Variants in AKR1C1 observed in about 807,000 individuals in gnomAD.
AKR1C1 encodes 20 alpha-hydroxysteroid dehydrogenase.
In AKR1C1, 32 loss-of-function variants were observed where a neutral mutation model predicts 40.6. The observed-to-expected ratio is 0.79, with a 90% CI of 0.60 to 1.06. The LOEUF is 1.06. AKR1C1 is among the 50% of genes least tolerant of loss of function. AKR1C1 has a pLI of 0.00. For missense variants in AKR1C1, 320 were observed against 363.5 expected (o/e 0.88, Z 0.97); for synonymous variants, 105 against 134.2 (o/e 0.78, Z 1.50).
chr10:4,972,365 A>C, intron 6 of AKR1C1, 55 bp downstream of exon 6: 2 of 1,605,668 alleles, frequency 1.2e-6, no homozygotes, highest in South Asian at 2.2e-5. Context: ...AAAAAAATTT[A>C]ATCAGATCAT....
chr10:4,979,443 A>C lies in AKR1C1; in HGVS notation c.*1701A>C, dbSNP rs1588566981. 1 of 152,166 alleles carries C rather than the reference A, an allele frequency of 6.6e-6. No homozygotes were observed. The highest frequency in any genetic ancestry group is 1.5e-5 in the Non-Finnish European group (1 of 68,036). 9.4% of individuals were successfully genotyped at this position (152,166 alleles called of 1,614,324 possible). On this transcript the variant is annotated 3_prime_UTR_variant, in exon 9 of 9. Coordinates refer to ENST00000380872, the MANE Select transcript of AKR1C1 (RefSeq NM_001353.6). ...GTCTCAAAGAAATCTCATGTAAACC[A>C]TGGCCATCCTGTTCTACCTTAACTT...
intron 5 of AKR1C1, among the ~76,000 whole-genome samples, chr10:4,970,370 A>C (rs1554769706): frequency 6.6e-6 from 1 of 152,164 alleles, no homozygotes; most frequent in African/African-American, 2.4e-5. Context: ...GATATCAGTT[A>C]ACTTGTTTTT....
chr10:4,970,660 G>A (rs1836409900), intron 5 of AKR1C1, among the ~76,000 whole-genome samples: 1 of 151,956 alleles, frequency 6.6e-6, no homozygotes, highest in South Asian at 2.1e-4. Flanking sequence ...ATCCTTTGTA[G>A]GGACATGGAT....
intron 5 of AKR1C1, among the ~76,000 whole-genome samples, chr10:4,970,144 A>G (rs1836400107): frequency 6.6e-6 from 1 of 152,166 alleles, no homozygotes; most frequent in Non-Finnish European, 1.5e-5. Context: ...TGTAAAGATG[A>G]CAATTGACCC....
intron 1 of AKR1C1, among the ~76,000 whole-genome samples, chr10:4,964,305 CATTTCTGATCTATACAATATAAGG>C (rs1372396919): frequency 4.6e-5 from 7 of 152,186 alleles, no homozygotes; most frequent in African/African-American, 1.7e-4. Flanking sequence ...TTGGGTTTCA[CATTTCTGATCTATACAATATAAGG>C]ATTTACAAAG....
rs544722856 is a variant in AKR1C1, at chr10:4,981,658, C to A, written c.*3916C>A. On this transcript the variant is annotated 3_prime_UTR_variant, in exon 9 of 9. Transcript: ENST00000380872. Reference sequence around the variant, plus strand: ...ATGAAATAAGAAAAAACCATCACATCCCCAGATTCTGAGGGGAGAGAGTTC... The same window carrying A: ...ATGAAATAAGAAAAAACCATCACATACCCAGATTCTGAGGGGAGAGAGTTC... The A allele has an allele frequency of 6.6e-6, 1 of 152,266 alleles. No individual in the cohort carries two copies. The highest frequency in any genetic ancestry group is 1.5e-5 in the Non-Finnish European group (1 of 68,050). 9.4% of individuals were successfully genotyped at this position (152,266 alleles called of 1,614,324 possible).
intron 7 of AKR1C1, among the ~76,000 whole-genome samples, chr10:4,974,149 G>C (rs1836486955): frequency 6.6e-6 from 1 of 150,884 alleles, no homozygotes; most frequent in South Asian, 2.1e-4. Context: ...TTAGACATTA[G>C]AAAACCCACA....
At chr10:4,967,885 T>G in intron 3 of AKR1C1, 1 of 191,756 alleles carries the variant, frequency 5.2e-6, no homozygotes. Flanking sequence ...CATGATTGGT[T>G]CATGGTCCTG....
chr10:4,968,681 TC>T (rs1836368040), intron 4 of AKR1C1, 140 bp from the exon 5 acceptor site: 3 of 1,402,142 alleles, frequency 2.1e-6, no homozygotes, highest in African/African-American at 1.4e-5. Context: ...ACTATCTTCT[TC>T]CCCAATTTTC....
At chr10:4,964,483 G>T (rs748524744) in intron 1 of AKR1C1, among the ~76,000 whole-genome samples, 4 of 152,184 alleles carry the variant, frequency 2.6e-5, no homozygotes, top group Non-Finnish European at 5.9e-5. Context: ...ATCAAGGATG[G>T]TATGAGGAGA....
At chr10:4,974,128 T>C (rs1836486315) in intron 7 of AKR1C1, among the ~76,000 whole-genome samples, 1 of 151,666 alleles carries the variant, frequency 6.6e-6, no homozygotes, top group South Asian at 2.1e-4. Flanking sequence ...TATATTATTT[T>C]AAAAATATTT....
In AKR1C1 at chr10:4,965,991, A is replaced by T. The variant is rs149295644; in HGVS notation, c.162A>T (p.Leu54Phe). The T allele has an allele frequency of 1.1e-3, 1,854 of 1,614,196 alleles. 4 individuals are homozygous for T. The highest frequency in any genetic ancestry group is 1.4e-3 in the Non-Finnish European group (1,646 of 1,180,006). The change falls in exon 2 of 9, where the codon TTA (leucine) becomes TTT (phenylalanine). Residue 54 changes from leucine (L) to phenylalanine (F), a missense_variant. This residue lies in a region of AKR1C1 where 214 missense variants were observed against 214.8 expected (regional missense o/e 1.00). Transcript: ENST00000380872. ...AGFRHIDSAHLYNNEEQVGLA... is the reference protein window; with the variant it reads ...AGFRHIDSAHFYNNEEQVGLA... ...TCCGCCATATTGATTCTGCTCATTT[A>T]TACAATAATGAGGAGCAGGTTGGAC...
intron 5 of AKR1C1, among the ~76,000 whole-genome samples, chr10:4,970,514 A>G (rs1554769731): frequency 1.3e-5 from 2 of 152,174 alleles, no homozygotes; most frequent in Non-Finnish European, 2.9e-5. Flanking sequence ...ACTGCATACA[A>G]TCACAGAATG....
Position 4,978,163 on chromosome 10 carries a change from C to G in AKR1C1, c.*421C>G, listed in dbSNP as rs1469044422. ...CAGGTATTTATCAGTCAGTGCCTCTCTAGCTCTTGTAGGAAGAAGCACACG... is the reference window on the plus strand; with the variant it reads ...CAGGTATTTATCAGTCAGTGCCTCTGTAGCTCTTGTAGGAAGAAGCACACG... On this transcript the variant is annotated 3_prime_UTR_variant, in exon 9 of 9. Transcript: ENST00000380872. 2 of 179,590 alleles carry G rather than the reference C, an allele frequency of 1.1e-5. No individual in the cohort carries two copies. The highest frequency in any genetic ancestry group is 2.2e-5 in the Non-Finnish European group (2 of 88,952). 11.1% of individuals were successfully genotyped at this position (179,590 alleles called of 1,614,324 possible).
At chr10:4,969,795 G>A in intron 5 of AKR1C1, 1 of 1,545,604 alleles carries the variant, frequency 6.5e-7, no homozygotes, top group South Asian at 1.2e-5. Context: ...ACTTTTCCCA[G>A]TAAATTACAT....
At chr10:4,964,037 A>T in intron 1 of AKR1C1, 1 of 571,872 alleles carries the variant, frequency 1.7e-6, no homozygotes, top group South Asian at 2.4e-5. Context: ...ATTACCTGAA[A>T]CGATAAAATA....
Position 4,968,941 on chromosome 10 carries a change from C to T in AKR1C1, c.567C>T (p.Asn189=). The T allele has an allele frequency of 6.2e-7, 1 of 1,614,182 alleles. No individual in the cohort carries two copies. The highest frequency in any genetic ancestry group is 1.1e-5 in the South Asian group (1 of 91,082). The change falls in exon 5 of 9, where the codon AAC becomes AAT. Residue 189 remains asparagine, a synonymous_variant. Coordinates refer to ENST00000380872, the MANE Select transcript of AKR1C1 (RefSeq NM_001353.6). ...GGCTCAAGTACAAGCCTGTCTGCAA[C>T]CAGGTGAGCACCCTCAGCCTCCTCT... ...KPGLKYKPVC[N]QVECHPYFNQ...
At chr10:4,976,953 T>C (rs1388343484) in intron 8 of AKR1C1, among the ~76,000 whole-genome samples, 5 of 152,196 alleles carry the variant, frequency 3.3e-5, no homozygotes, top group African/African-American at 1.2e-4. Flanking sequence ...TTAATGTTTT[T>C]GGGGATCATG....
At chr10:4,975,103 G>T (rs1263870745) in intron 7 of AKR1C1, among the ~76,000 whole-genome samples, 2 of 150,584 alleles carry the variant, frequency 1.3e-5, no homozygotes, top group African/African-American at 4.8e-5. Flanking sequence ...TGTTACTGAT[G>T]ATTTTAATAG....
Sources: gnomAD v4.1 joint callset for allele counts (sites outside exome capture counted in the v4.1 genomes callset) on GRCh38, gnomAD v4.1.1 for gene constraint, gnomAD v4.1.1 regional missense constraint, MANE v1.5 for transcripts, NCBI Gene and HGNC (gene_info 2026-07-23, HGNC 2026-07-21) for gene names.